The following PHLPP1 variants were observed in gnomAD, a reference collection of about 807,000 sequenced individuals.
PHLPP1 encodes the protein PH domain leucine-rich repeat-containing protein phosphatase 1.
A neutral mutation model predicts 117.2 loss-of-function variants in PHLPP1; 42 were observed. The ratio of observed to expected loss-of-function variants is 0.36; its 90% CI spans 0.28 to 0.46. PHLPP1 has a LOEUF of 0.46. PHLPP1 is among the 20% of genes least tolerant of loss of function. The pLI is 1.00. For synonymous variants in PHLPP1, 1,042 were observed against 970.7 expected (o/e 1.07, Z -1.37); for missense variants, 2,084 against 2,241.9 (o/e 0.93, Z 1.42).
intron 1 of PHLPP1, among the ~76,000 whole-genome samples, chr18:62,822,797 A>T (rs1490309138): frequency 6.6e-6 from 1 of 152,218 alleles, no homozygotes; most frequent in Non-Finnish European, 1.5e-5. Flanking sequence ...ACTACTCAAG[A>T]TAGTATGAAG....
chr18:62,769,452 T>C (rs1165113392), intron 1 of PHLPP1, among the ~76,000 whole-genome samples: 2 of 152,200 alleles, frequency 1.3e-5, no homozygotes, highest in Non-Finnish European at 2.9e-5. Flanking sequence ...GATAAACAAC[T>C]TTAAACAAAC....
At chr18:62,896,111 A>T (rs978458094) in intron 6 of PHLPP1, 100 bp downstream of exon 6, 6 of 678,044 alleles carry the variant, frequency 8.8e-6, no homozygotes, top group Non-Finnish European at 1.3e-5. Flanking sequence ...GGGTAATTGA[A>T]TGTGGGCCCG....
chr18:62,739,210 A>G (rs1911451442), intron 1 of PHLPP1, among the ~76,000 whole-genome samples: 1 of 152,240 alleles, frequency 6.6e-6, no homozygotes, highest in Non-Finnish European at 1.5e-5. Context: ...AGAGTGAGGA[A>G]AGGCCTTAGG....
At chr18:62,956,730 T>C (rs1910621696) in intron 12 of PHLPP1, among the ~76,000 whole-genome samples, 1 of 152,346 alleles carries the variant, frequency 6.6e-6, no homozygotes, top group South Asian at 2.1e-4. Flanking sequence ...ATAATGTGGT[T>C]ATAATGCTCT....
Position 62,716,392 on chromosome 18 carries a change from C to A in PHLPP1, c.709C>A (p.Leu237Met), listed in dbSNP as rs1303852761. The A allele has an allele frequency of 6.7e-7, 1 of 1,483,872 alleles. No homozygotes were observed. The highest frequency in any genetic ancestry group is 2.9e-5 in the East Asian group (1 of 34,800). The allele number at this position is 1,483,872 out of a possible 1,614,324, so 91.9% of individuals were successfully genotyped here. ...CGAGGTGGCCGCCCGCCTGCTGCAG[C>A]TGGGCCACAAAGGCGGCGGCGTGGT... ...AGEVAARLLQ[L>M]GHKGGGVVKV... The change falls in exon 1 of 17, where the codon CTG (leucine) becomes ATG (methionine). Residue 237 changes from leucine (L) to methionine (M), a missense_variant. By Grantham distance (15) the Leu-to-Met change is conservative (BLOSUM62 2). Coordinates refer to ENST00000262719, the MANE Select transcript of PHLPP1 (RefSeq NM_194449.4). This position sits in a 1 kb window ranked among gnomAD's most constrained non-coding sequence, Gnocchi z 5.7.
rs951858596 is a variant in PHLPP1, at chr18:62,716,881, C to G, written c.1198C>G (p.Pro400Ala). The change falls in exon 1 of 17, where the codon CCC becomes GCC. Residue 400 changes from proline to alanine, a missense_variant. Physicochemically the swap from Pro to Ala is conservative, Grantham distance 27. Coordinates refer to ENST00000262719, the MANE Select transcript of PHLPP1 (RefSeq NM_194449.4). The surrounding 1 kb of genome is among the most constrained non-coding windows in gnomAD (Gnocchi z 5.7). The stretch of plus-strand genomic sequence containing the variant: ...GGGCCAGCCCCGCCGTCCCGGCCAC[C>G]CCGCGCAGCCCCTCCCGCTTCCCCA... ...VPGQPRRPGHPAQPLPLPQTA... is the reference protein window; with the variant it reads ...VPGQPRRPGHAAQPLPLPQTA... 8.5e-6 allele frequency: 13 copies of G among 1,525,380 alleles called. No individual in the cohort carries two copies. Among genetic ancestry groups the G allele is most frequent in the Non-Finnish European group, 1.1e-5 (12 of 1,142,370 alleles). 94.5% of individuals were successfully genotyped at this position (1,525,380 alleles called of 1,614,324 possible).
intron 5 of PHLPP1, 64 bp downstream of exon 5, chr18:62,895,221 G>T: frequency 6.6e-7 from 1 of 1,514,100 alleles, no homozygotes; most frequent in Non-Finnish European, 9.1e-7. Flanking sequence ...CATTGGGGGT[G>T]TGGCACATGA....
intron 1 of PHLPP1, among the ~76,000 whole-genome samples, chr18:62,821,548 C>CAAAAAAAAAAAAAAAAAAAAAAAAA: frequency 6.8e-5 from 2 of 29,316 alleles, no homozygotes; most frequent in Non-Finnish European, 1.3e-4. Flanking sequence ...GACCCTTTAT[C>CAAAAAAAAAAAAAAAAAAAAAAAAA]CAAAAAAAAA....
chr18:62,835,759 G>A (rs978101820), intron 2 of PHLPP1, among the ~76,000 whole-genome samples: 2 of 150,092 alleles, frequency 1.3e-5, no homozygotes, highest in African/African-American at 4.9e-5. Context: ...CTTTATCTGA[G>A]GTAAATTCAA....
intron 4 of PHLPP1, among the ~76,000 whole-genome samples, chr18:62,862,624 G>A (rs1915660232): frequency 3.3e-5 from 5 of 152,048 alleles, no homozygotes; most frequent in Admixed American, 3.3e-4. Flanking sequence ...GTAAAAATGG[G>A]GTTCTCTATA....
At chr18:62,977,906 G>C (rs1358911322) in intron 16 of PHLPP1, among the ~76,000 whole-genome samples, 1 of 152,206 alleles carries the variant, frequency 6.6e-6, no homozygotes, top group Non-Finnish European at 1.5e-5. Context: ...GTAAACCCAT[G>C]TTTACAGGAG....
chr18:62,879,167 G>A (rs1198092301), intron 4 of PHLPP1, among the ~76,000 whole-genome samples: 1 of 152,066 alleles, frequency 6.6e-6, no homozygotes, highest in African/African-American at 2.4e-5. Flanking sequence ...TTAAGAGGTG[G>A]GACTTTAAAG....
chr18:62,749,880 G>A lies in PHLPP1; in HGVS notation c.1576+32621G>A, dbSNP rs542511239. Among the ~76,000 whole-genome samples, 5 of 152,284 alleles carry A rather than the reference G, an allele frequency of 3.3e-5. No individual in the cohort carries two copies. The South Asian group carries it at 1.0e-3, about 32-fold the overall frequency. On this transcript the variant is annotated intron_variant, in intron 1 of 16. Coordinates refer to ENST00000262719, the MANE Select transcript of PHLPP1 (RefSeq NM_194449.4). ...AAAATATAAAAATTAGCTGGGTATG[G>A]TGGCACATGCCTGTAGTTCTAGCTA... is the stretch of plus-strand genomic sequence containing the variant.
In PHLPP1 at chr18:62,944,302, A is replaced by G. The variant is rs140288623; in HGVS notation, c.3162-807A>G. 5.9e-3 allele frequency among the ~76,000 whole-genome samples: 903 copies of G among 152,328 alleles called. 7 individuals are homozygous for G. Among genetic ancestry groups the G allele is most frequent in the Non-Finnish European group, 1.0e-2 (680 of 68,030 alleles). On this transcript the variant is annotated intron_variant, in intron 11 of 16. Coordinates refer to ENST00000262719, the MANE Select transcript of PHLPP1 (RefSeq NM_194449.4). ...CATTGTTTTTTCTTTCAAATTTATA[A>G]AGAATGCAAGAAACCCTGATTCTGG... is the stretch of plus-strand genomic sequence containing the variant.
chr18:62,834,332 T>G (rs1914833085), intron 2 of PHLPP1, among the ~76,000 whole-genome samples: 2 of 152,088 alleles, frequency 1.3e-5, no homozygotes, highest in African/African-American at 4.8e-5. Context: ...GTCTGAGAAA[T>G]GTGGAGTAGA....
At position 62,980,152 on chromosome 18, in the gene PHLPP1, G is replaced by C. The variant is rs1455855018; in HGVS notation, c.*721G>C. ...CCTCACAACTCACCCTCACTTCACT[G>C]AATGAGGAGGCTGAGCAGCTGCAGT... On this transcript the variant is annotated 3_prime_UTR_variant, in exon 17 of 17. Transcript: ENST00000262719. 1 of 152,524 alleles carries C rather than the reference G, an allele frequency of 6.6e-6. No individual in the cohort carries two copies. Among genetic ancestry groups the C allele is most frequent in the Non-Finnish European group, 1.5e-5 (1 of 68,074 alleles). 9.4% of individuals were successfully genotyped at this position (152,524 alleles called of 1,614,324 possible).
chr18:62,825,629 T>C (rs2144327016), intron 1 of PHLPP1: 1 of 151,778 alleles, frequency 6.6e-6, no homozygotes, highest in South Asian at 2.1e-4. Context: ...CCCAGCTAAT[T>C]TTTTTATGGA....
chr18:62,921,700 T>C (rs1408346046), intron 10 of PHLPP1, among the ~76,000 whole-genome samples: 1 of 152,252 alleles, frequency 6.6e-6, no homozygotes, highest in Non-Finnish European at 1.5e-5. Flanking sequence ...TTCCTGGCTT[T>C]ATATTTTTTT....
intron 3 of PHLPP1, among the ~76,000 whole-genome samples, chr18:62,847,442 G>A (rs937032677): frequency 1.3e-5 from 2 of 152,208 alleles, no homozygotes; most frequent in Non-Finnish European, 2.9e-5. Context: ...AAGAAGTTTG[G>A]TTGGGATCTG....
Sources: allele counts gnomAD v4.1 joint callset (sites outside exome capture counted in the v4.1 genomes callset), GRCh38; gene constraint gnomAD v4.1.1; non-coding constraint Gnocchi (gnomAD v3.1); transcripts MANE v1.5; gene names NCBI Gene and HGNC (gene_info 2026-07-23, HGNC 2026-07-21).